The following FAN1 variants were observed in gnomAD, a reference collection of about 807,000 sequenced individuals.
FAN1 encodes fanconi-associated nuclease 1.
A neutral mutation model predicts 104.9 loss-of-function variants in FAN1; 91 were observed. The ratio of observed to expected loss-of-function variants is 0.87; its 90% CI spans 0.73 to 1.03. The LOEUF (loss-of-function observed/expected upper bound fraction) is 1.03, where lower values mean the gene tolerates loss of function less well. Among genes scored for constraint, FAN1 ranks in the 50% least tolerant of loss-of-function variants. FAN1 has a pLI of 0.00. For missense variants in FAN1, 1,263 were observed against 1,239.9 expected (o/e 1.02, Z -0.28); for synonymous variants, 478 against 457.6 (o/e 1.04, Z -0.57).
Position 30,937,215 on chromosome 15 carries a change from C to T in FAN1, c.3013C>T (p.His1005Tyr). Residue 1005 changes from histidine (H) to tyrosine (Y), a missense_variant, in exon 14 of 15, where the codon CAT (histidine) becomes TAT (tyrosine). Coordinates refer to ENST00000362065, the MANE Select transcript of FAN1 (RefSeq NM_014967.5). ...GCTGGGGGCTGAAGTAGAAGTCTGC[C>T]ATGTGGTTGCAGTTGGAGCTAAGAG... ...QKLGAEVEVC[H>Y]VVAVGAKSQS... 1 of 1,614,016 alleles carries T rather than the reference C, an allele frequency of 6.2e-7. No homozygotes were observed. Among genetic ancestry groups the T allele is most frequent in the African/African-American group, 1.3e-5 (1 of 75,012 alleles).
At chr15:30,910,524 GTAGCATT>G in intron 3 of FAN1, 83 bp from the exon 4 acceptor site, 2 of 744,706 alleles carry the variant, frequency 2.7e-6, no homozygotes, top group Non-Finnish European at 4.2e-6. Context: ...AATTTTCTTA[GTAGCATT>G]TCATTTTATT....
Position 30,930,686 on chromosome 15 carries a change from A to G in FAN1, c.2916+15A>G, listed in dbSNP as rs778237679. 2 of 1,612,322 alleles carry G rather than the reference A, an allele frequency of 1.2e-6. No homozygotes were observed. Among genetic ancestry groups the G allele is most frequent in the Non-Finnish European group, 8.5e-7 (1 of 1,179,350 alleles). The stretch of plus-strand genomic sequence containing the variant: ...GTCACTTTAAGGTCAGTTGAGGCAG[A>G]ATGGAAAGTCCTGTTGGTAACCTTA... On this transcript the variant is annotated intron_variant, in intron 13 of 14. Coordinates refer to ENST00000362065, the MANE Select transcript of FAN1 (RefSeq NM_014967.5).
chr15:30,906,536 C>T (rs376525096), intron 2 of FAN1: 9 of 456,434 alleles, frequency 2.0e-5, no homozygotes, highest in South Asian at 4.6e-5. Flanking sequence ...TGTGTCTTTA[C>T]GGTGTTATTC....
intron 10 of FAN1, chr15:30,928,108 G>C (rs1320062100): frequency 1.0e-6 from 1 of 1,000,238 alleles, no homozygotes; most frequent in African/African-American, 1.7e-5. Context: ...GCCTCCGGGA[G>C]GTCCCCTTAG....
rs532079042 is a variant in FAN1, at chr15:30,941,728, C to T, written c.*166C>T. The T allele has an allele frequency of 1.1e-5, 17 of 1,613,968 alleles. No homozygotes were observed. The East Asian group carries it at 1.6e-4, about 15-fold the overall frequency. ...TGCGCTGTTGCCGCAGCATCCTGCT[C>T]AGTACGTCGACTTCATCAGCCAGGA... On this transcript the variant is annotated 3_prime_UTR_variant, in exon 15 of 15. Transcript: ENST00000362065.
At chr15:30,922,462 T>C in intron 8 of FAN1, 108 bp downstream of exon 8, 1 of 1,146,974 alleles carries the variant, frequency 8.7e-7, no homozygotes. Flanking sequence ...AACATGTATT[T>C]CTTTTGTTAA....
Position 30,920,568 on chromosome 15 carries a change from TC to T in FAN1, c.1969del (p.Leu657CysfsTer63), listed in dbSNP as rs1304400152. 6.2e-7 allele frequency: 1 copy of T among 1,611,976 alleles called. No homozygotes were observed. Among genetic ancestry groups the T allele is most frequent in the Non-Finnish European group, 8.5e-7 (1 of 1,179,040 alleles). The stretch of plus-strand genomic sequence containing the variant: ...AGATGCCACGAAGATTTACCACTCT[TC>T]CTGCGGTGTTTCACTGTTGGGTGGA... Reference protein sequence around the residue: ...SLRCHEDLPLFLRCFTVGWIY... With the variant: ...SLRCHEDLPLXLRCFTVGWIY... On this transcript the variant is annotated frameshift_variant, in exon 7 of 15. Coordinates refer to ENST00000362065, the MANE Select transcript of FAN1 (RefSeq NM_014967.5). LOFTEE classifies it high-confidence loss of function.
chr15:30,941,575 A>C lies in FAN1; in HGVS notation c.*13A>C. The C allele has an allele frequency of 6.2e-7, 1 of 1,600,868 alleles. No homozygotes were observed. The highest frequency in any genetic ancestry group is 8.5e-7 in the Non-Finnish European group (1 of 1,173,136). On this transcript the variant is annotated 3_prime_UTR_variant, in exon 15 of 15. Transcript: ENST00000362065. ...TGCTTCGTCTGCACAGATTCCCTACAGGAGAAAATGGAAATGAGGAGGAGA... is the reference window on the plus strand; with the variant it reads ...TGCTTCGTCTGCACAGATTCCCTACCGGAGAAAATGGAAATGAGGAGGAGA...
intron 8 of FAN1, among the ~76,000 whole-genome samples, chr15:30,924,612 C>A (rs375471006): frequency 6.6e-6 from 1 of 152,142 alleles, no homozygotes; most frequent in African/African-American, 2.4e-5. Flanking sequence ...GTAATTCCTC[C>A]AAACCTTTGG....
At chr15:30,914,246 C>A in intron 5 of FAN1, among the ~76,000 whole-genome samples, 155 bp downstream of exon 5, 1 of 152,112 alleles carries the variant, frequency 6.6e-6, no homozygotes, top group East Asian at 1.9e-4. Flanking sequence ...ATTTCTATGA[C>A]TATAGGGAAA....
rs766836928 is a variant in FAN1 at position 30,904,706 on chromosome 15, A to G, written c.43A>G (p.Arg15Gly). 2 of 1,609,076 alleles carry G rather than the reference A, an allele frequency of 1.2e-6. No homozygotes were observed. Among genetic ancestry groups the G allele is most frequent in the East Asian group, 4.5e-5 (2 of 44,818 alleles). The change falls in exon 2 of 15, where the codon AGA becomes GGA. Residue 15 changes from arginine (R) to glycine (G), a missense_variant. Transcript: ENST00000362065. ...GKPPDKKRPR[R>G]SLSISKNKKK... is the part of the protein sequence containing the mutation. The stretch of plus-strand genomic sequence containing the variant: ...ACCTCCTGACAAAAAAAGGCCTCGT[A>G]GAAGCTTATCAATCAGCAAGAATAA...
At chr15:30,923,448 T>C (rs943750707) in intron 8 of FAN1, among the ~76,000 whole-genome samples, 2 of 152,224 alleles carry the variant, frequency 1.3e-5, no homozygotes, top group Non-Finnish European at 2.9e-5. Context: ...GCCACTGAGC[T>C]TATTTTTGAG....
chr15:30,909,728 T>A (rs1364347318), intron 3 of FAN1, among the ~76,000 whole-genome samples: 1 of 152,204 alleles, frequency 6.6e-6, no homozygotes, highest in Non-Finnish European at 1.5e-5. Flanking sequence ...AGTGCATTCC[T>A]GTCTCAGAGC....
intron 14 of FAN1, chr15:30,941,211 G>A (rs918389897): frequency 7.2e-7 from 1 of 1,379,968 alleles, no homozygotes; most frequent in Non-Finnish European, 9.5e-7. Context: ...CAAAAATGTA[G>A]CAGACAACAT....
At chr15:30,922,490 T>C (rs934330661) in intron 8 of FAN1, 136 bp downstream of exon 8, 3 of 939,792 alleles carry the variant, frequency 3.2e-6, no homozygotes, top group South Asian at 1.8e-5. Flanking sequence ...CTTTTGTCTG[T>C]GTTCTTCCAA....
chr15:30,919,679 ACT>A (rs1310015090), intron 6 of FAN1, among the ~76,000 whole-genome samples: 1 of 145,972 alleles, frequency 6.9e-6, no homozygotes, highest in Non-Finnish European at 1.5e-5. Context: ...ACAGAGCGAG[ACT>A]CTGTCTCGGG....
intron 3 of FAN1, among the ~76,000 whole-genome samples, chr15:30,909,875 C>T (rs2062060377): frequency 1.3e-5 from 2 of 152,226 alleles, no homozygotes; most frequent in African/African-American, 4.8e-5. Context: ...CAGCCAGCCT[C>T]CTGCCAGCTT....
intron 2 of FAN1, 81 bp downstream of exon 2, chr15:30,905,978 TC>T: frequency 7.6e-7 from 1 of 1,308,322 alleles, no homozygotes; most frequent in Non-Finnish European, 1.1e-6. Flanking sequence ...TGGGCAGTAA[TC>T]TAGTGACCGC....
chr15:30,941,097 C>G, intron 14 of FAN1: 2 of 1,227,266 alleles, frequency 1.6e-6, no homozygotes, highest in South Asian at 2.8e-5. Flanking sequence ...AAAAATGACA[C>G]GAAACACAAA....
Sources: gnomAD v4.1 joint callset for allele counts (sites outside exome capture counted in the v4.1 genomes callset) on GRCh38, gnomAD v4.1.1 for gene constraint, MANE v1.5 for transcripts, NCBI Gene and HGNC (gene_info 2026-07-23, HGNC 2026-07-21) for gene names.